Variants in CYB561A3 observed in about 807,000 individuals in gnomAD.
CYB561A3 encodes cytochrome b561 family member A3.
Under a neutral mutation model 25.3 loss-of-function variants are expected in CYB561A3, and 16 were observed. The ratio of observed to expected loss-of-function variants is 0.63; its 90% CI spans 0.43 to 0.96. The LOEUF (loss-of-function observed/expected upper bound fraction) is 0.96, where lower values mean the gene tolerates loss of function less well. CYB561A3 is among the 40% of genes least tolerant of loss of function. The pLI is 0.00. For missense variants in CYB561A3, 219 were observed against 307.5 expected (o/e 0.71, Z 2.15); for synonymous variants, 131 against 129.9 (o/e 1.01, Z -0.06).
chr11:61,361,229 T>C (rs779676489), intron 1 of CYB561A3: 8 of 152,180 alleles, frequency 5.3e-5, no homozygotes, highest in Non-Finnish European at 1.2e-4. Flanking sequence ...CCAAGGTAAG[T>C]GGCCGAGCTG....
At chr11:61,357,248 T>C in intron 2 of CYB561A3, 1 of 1,550,890 alleles carries the variant, frequency 6.4e-7, no homozygotes, top group Non-Finnish European at 8.7e-7. Flanking sequence ...TAGAGTAAGC[T>C]CTATGGGGCT....
At chr11:61,352,067 A>T (rs1162799409) in intron 5 of CYB561A3, 1 of 152,218 alleles carries the variant, frequency 6.6e-6, no homozygotes, top group Non-Finnish European at 1.5e-5. Context: ...ACTGAAGCTC[A>T]AAGCAATGAA....
At chr11:61,357,257 C>T (rs1417063559) in intron 2 of CYB561A3, 1 of 1,549,646 alleles carries the variant, frequency 6.5e-7, no homozygotes, top group East Asian at 2.4e-5. Context: ...CTCTATGGGG[C>T]TAATCTTCAC....
Position 61,353,908 on chromosome 11 carries a change from G to A in CYB561A3, c.269C>T (p.Ala90Val). The change falls in exon 4 of 7, where the codon GCC (alanine) becomes GTC (valine). Residue 90 changes from alanine to valine, a missense_variant. Coordinates refer to ENST00000294072, the MANE Select transcript of CYB561A3 (RefSeq NM_153611.6). ...KLLHAALHLM[A>V]FVLTVVGLVA... is the part of the protein sequence containing the mutation. Reference sequence around the variant, plus strand: ...CAGCCCCACAACAGTGAGGACGAAGGCCATCAGGTGCAGCGCTGCATGGAG... The same window carrying A: ...CAGCCCCACAACAGTGAGGACGAAGACCATCAGGTGCAGCGCTGCATGGAG... The A allele has an allele frequency of 6.2e-7, 1 of 1,614,214 alleles. No homozygotes were observed. The highest frequency in any genetic ancestry group is 8.5e-7 in the Non-Finnish European group (1 of 1,180,044).
At chr11:61,362,058 G>C (rs912822597), upstream of CYB561A3, 2 of 152,398 alleles carry the variant, frequency 1.3e-5, no homozygotes, top group African/African-American at 2.4e-5. Flanking sequence ...CGAAGTCAGG[G>C]TCCAGGACTG....
intron 2 of CYB561A3, 158 bp from the exon 3 acceptor site, chr11:61,356,886 C>T: frequency 6.9e-7 from 1 of 1,447,894 alleles, no homozygotes; most frequent in Non-Finnish European, 9.0e-7. Flanking sequence ...CCCGAGGCCT[C>T]AATGCCTGGG....
At chr11:61,350,787 G>T in intron 6 of CYB561A3, 1 of 695,002 alleles carries the variant, frequency 1.4e-6, no homozygotes, top group Non-Finnish European at 2.3e-6. Flanking sequence ...CCAATGGACA[G>T]ACTGGGGAGT....
intron 6 of CYB561A3, 92 bp from the exon 7 acceptor site, chr11:61,350,514 G>T: frequency 6.6e-7 from 1 of 1,520,772 alleles, no homozygotes; most frequent in Non-Finnish European, 9.0e-7. Flanking sequence ...AGCCTGCAGG[G>T]TGGTCCCCAT....
At chr11:61,350,732 T>A (rs1857362699) in intron 6 of CYB561A3, 1 of 598,686 alleles carries the variant, frequency 1.7e-6, no homozygotes, top group Non-Finnish European at 2.9e-6. Context: ...AAGGCCACAC[T>A]TCACCCCACA....
At chr11:61,353,437 A>G (rs1013622727) in intron 4 of CYB561A3, 4 of 638,034 alleles carry the variant, frequency 6.3e-6, no homozygotes, top group South Asian at 3.2e-5. Context: ...CAGGCCTGAG[A>G]TCAGAATATG....
chr11:61,353,931 G>A lies in CYB561A3; in HGVS notation c.246C>T (p.Leu82=), dbSNP rs1857538282. The A allele has an allele frequency of 6.2e-7, 1 of 1,614,198 alleles. No individual in the cohort carries two copies. Among genetic ancestry groups the A allele is most frequent in the Non-Finnish European group, 8.5e-7 (1 of 1,180,036 alleles). Residue 82 remains leucine, a synonymous_variant, in exon 4 of 7, where the codon CTC becomes CTT. Coordinates refer to ENST00000294072, the MANE Select transcript of CYB561A3 (RefSeq NM_153611.6). ...AGGCCATCAGGTGCAGCGCTGCATGGAGGAGTTTCCAGGGCAGTTTGGGCC... is the reference window on the plus strand; with the variant it reads ...AGGCCATCAGGTGCAGCGCTGCATGAAGGAGTTTCCAGGGCAGTTTGGGCC... The part of the protein sequence containing the change: ...WVGPKLPWKL[L]HAALHLMAFV...
upstream of CYB561A3, chr11:61,361,931 G>A (rs1314866086): frequency 6.6e-6 from 1 of 152,280 alleles, no homozygotes; most frequent in Non-Finnish European, 1.5e-5. Flanking sequence ...AGCACTTCCA[G>A]TCGCGCGCGA....
intron 4 of CYB561A3, 180 bp downstream of exon 4, chr11:61,353,604 G>A (rs1270550596): frequency 1.3e-6 from 1 of 761,388 alleles, no homozygotes; most frequent in South Asian, 1.5e-5. Flanking sequence ...AAAGGAACAG[G>A]GTAAGTTCAG....
At chr11:61,356,839 T>C in intron 2 of CYB561A3, 111 bp from the exon 3 acceptor site, 1 of 1,486,368 alleles carries the variant, frequency 6.7e-7, no homozygotes, top group Non-Finnish European at 8.9e-7. Flanking sequence ...ATCTTTTTGC[T>C]TCAGTTCCCC....
intron 1 of CYB561A3, 82 bp from the exon 2 acceptor site, chr11:61,357,910 A>G (rs1183703985): frequency 1.3e-5 from 2 of 152,342 alleles, no homozygotes; most frequent in Non-Finnish European, 2.9e-5. Context: ...CCTTACACAC[A>G]AGATCCCATT....
At chr11:61,356,413 CCACCCTACCCCCATAG>C in intron 3 of CYB561A3, 101 bp downstream of exon 3, 4 of 592,208 alleles carry the variant, frequency 6.8e-6, no homozygotes, top group Non-Finnish European at 1.1e-5. Context: ...ACAGCCCAAC[CCACCCTACCCCCATAG>C]CCCCAAGCCC....
intron 1 of CYB561A3, 93 bp from the exon 2 acceptor site, chr11:61,357,921 T>C (rs535956072): frequency 6.6e-6 from 1 of 152,320 alleles, no homozygotes; most frequent in Non-Finnish European, 1.5e-5. Flanking sequence ...AGATCCCATT[T>C]ACTCCTCTTA....
chr11:61,350,999 C>T lies in CYB561A3; in HGVS notation c.697G>A (p.Asp233Asn), dbSNP rs763723433. 7 of 1,613,076 alleles carry T rather than the reference C, an allele frequency of 4.3e-6. No individual in the cohort carries two copies. Among genetic ancestry groups the T allele is most frequent in the East Asian group, 2.2e-5 (1 of 44,848 alleles). The change falls in exon 6 of 7, where the codon GAC becomes AAC. Residue 233 changes from aspartate (D) to asparagine (N), a missense_variant. Physicochemically the swap from Asp to Asn is conservative, Grantham distance 23 (BLOSUM62 1). Transcript: ENST00000294072. ...GGGACTGGAACCCATACCTGTCTGT[C>T]GGTCAGGATCCCCGGCTCTGGGCGC... ...WKRPEPGILTDRQPLLHDGE is the reference protein window; with the variant it reads ...WKRPEPGILTNRQPLLHDGE
At chr11:61,351,668 C>G (rs1394300807) in intron 5 of CYB561A3, 1 of 152,048 alleles carries the variant, frequency 6.6e-6, no homozygotes, top group Non-Finnish European at 1.5e-5. Context: ...GTAATCCCAG[C>G]ACTTTGGGAG....
Sources: allele counts gnomAD v4.1 joint callset, GRCh38; gene constraint gnomAD v4.1.1; transcripts MANE v1.5; gene names NCBI Gene and HGNC (gene_info 2026-07-23, HGNC 2026-07-21).